Variants in AKR1C8 observed in about 807,000 individuals in gnomAD.
AKR1C8 encodes aldo-keto reductase family 1 member C8.
At chr10:5,180,706 C>A in the AKR1C8 span, among the ~76,000 whole-genome samples, 4 of 152,232 alleles carry the variant, frequency 2.6e-5, no homozygotes, top group African/African-American at 9.6e-5. Context: ...GCCCCTCCCC[C>A]AGCCTGGCTG....
At chr10:5,156,395 GAGT>G in the AKR1C8 span, among the ~76,000 whole-genome samples, 1 of 152,058 alleles carries the variant, frequency 6.6e-6, no homozygotes, top group East Asian at 1.9e-4. Flanking sequence ...CTTAAGTCAA[GAGT>G]AGTTTTCATT....
chr10:5,169,935 A>C, the AKR1C8 span, among the ~76,000 whole-genome samples: 119 of 152,206 alleles, frequency 7.8e-4, no homozygotes, highest in African/African-American at 2.7e-3. Flanking sequence ...AATGATATTT[A>C]GGACATTTTT....
the AKR1C8 span, among the ~76,000 whole-genome samples, chr10:5,146,523 A>G: frequency 6.6e-6 from 1 of 152,154 alleles, no homozygotes; most frequent in Non-Finnish European, 1.5e-5. Context: ...CGTAATATAG[A>G]AAGTGCTAAT....
the AKR1C8 span, among the ~76,000 whole-genome samples, chr10:5,180,646 G>A: frequency 3.3e-5 from 5 of 152,222 alleles, no homozygotes; most frequent in Non-Finnish European, 5.9e-5. Flanking sequence ...GCTCCAGTTC[G>A]AGCTTCCAGG....
At chr10:5,169,618 T>A in the AKR1C8 span, among the ~76,000 whole-genome samples, 1 of 152,020 alleles carries the variant, frequency 6.6e-6, no homozygotes, top group Non-Finnish European at 1.5e-5. Flanking sequence ...GTAACTGTTA[T>A]TCCTGTTATG....
the AKR1C8 span, chr10:5,132,769 C>G: frequency 7.5e-7 from 1 of 1,325,732 alleles, no homozygotes; most frequent in East Asian, 2.4e-5. Flanking sequence ...TTCCTAGGAA[C>G]CCGGAGGAGT....
At chr10:5,174,365 A>C in the AKR1C8 span, among the ~76,000 whole-genome samples, 271 of 152,148 alleles carry the variant, frequency 1.8e-3, no homozygotes, top group South Asian at 3.3e-3. Flanking sequence ...AATGCCTCTT[A>C]GTTCACGTGA....
At chr10:5,170,251 A>C in the AKR1C8 span, among the ~76,000 whole-genome samples, 1 of 152,162 alleles carries the variant, frequency 6.6e-6, no homozygotes, top group Admixed American at 6.6e-5. Context: ...ATTAGAATTT[A>C]AACAGTAGAA....
the AKR1C8 span, chr10:5,155,506 C>G: frequency 3.4e-6 from 1 of 290,326 alleles, no homozygotes; most frequent in East Asian, 1.0e-4. Flanking sequence ...TCTGCTGGGT[C>G]AGAGATTGAG....
the AKR1C8 span, among the ~76,000 whole-genome samples, chr10:5,124,904 C>G: frequency 6.6e-6 from 1 of 151,934 alleles, no homozygotes; most frequent in African/African-American, 2.4e-5. Flanking sequence ...AAGGTAGAGA[C>G]AGTTTATCTC....
the AKR1C8 span, among the ~76,000 whole-genome samples, chr10:5,133,987 A>G: frequency 0.39 from 58,816 of 152,066 alleles, 12,160 homozygotes; most frequent in Non-Finnish European, 0.43. Flanking sequence ...ATATAATTTC[A>G]GTGAAATTTA....
At chr10:5,119,874 G>C in the AKR1C8 span, among the ~76,000 whole-genome samples, 2 of 152,106 alleles carry the variant, frequency 1.3e-5, no homozygotes, top group African/African-American at 2.4e-5. Flanking sequence ...TTTTCCGAAG[G>C]TACAGTGAGG....
chr10:5,176,054 T>A, the AKR1C8 span, among the ~76,000 whole-genome samples: 18 of 151,910 alleles, frequency 1.2e-4, no homozygotes, highest in Non-Finnish European at 5.9e-5. Flanking sequence ...TCCTTGCCCA[T>A]GCCTATGTCC....
At chr10:5,168,109 T>A in the AKR1C8 span, among the ~76,000 whole-genome samples, 2,074 of 152,178 alleles carry the variant, frequency 0.014, 19 homozygotes, top group Non-Finnish European at 0.021. Flanking sequence ...CTGAGAAAAG[T>A]GTTAATTTTA....
At chr10:5,155,610 G>T in the AKR1C8 span, 2 of 394,516 alleles carry the variant, frequency 5.1e-6, no homozygotes, top group Non-Finnish European at 5.3e-6. Flanking sequence ...TAGGGAAGAT[G>T]TGTTCCCCAT....
At chr10:5,129,253 G>A in the AKR1C8 span, among the ~76,000 whole-genome samples, 14 of 151,844 alleles carry the variant, frequency 9.2e-5, no homozygotes, top group African/African-American at 3.4e-4. Flanking sequence ...ACACAATGAA[G>A]ACCTCTGGAA....
At chr10:5,140,067 C>T in the AKR1C8 span, among the ~76,000 whole-genome samples, 526 of 152,232 alleles carry the variant, frequency 3.5e-3, 2 homozygotes, top group African/African-American at 0.012. Context: ...CACTGGTCAT[C>T]AGAGAAATGC....
the AKR1C8 span, among the ~76,000 whole-genome samples, chr10:5,168,249 C>CT: frequency 1.3e-5 from 2 of 152,030 alleles, no homozygotes; most frequent in Admixed American, 6.6e-5. Flanking sequence ...ACCCTACCCT[C>CT]TTAACAGTTG....
chr10:5,145,505 A>C, the AKR1C8 span, among the ~76,000 whole-genome samples: 4 of 152,178 alleles, frequency 2.6e-5, no homozygotes, highest in African/African-American at 9.7e-5. Context: ...TACAAGAAAA[A>C]AAACAAACAA....
Sources: gnomAD v4.1 joint callset for allele counts (sites outside exome capture counted in the v4.1 genomes callset) on GRCh38, gnomAD v4.1.1 for gene constraint, MANE v1.5 for transcripts, NCBI Gene and HGNC (gene_info 2026-07-23, HGNC 2026-07-21) for gene names.